Variants in WHRN observed in about 807,000 individuals in gnomAD.
WHRN encodes whirlin.
Under a neutral mutation model 68.3 loss-of-function variants are expected in WHRN, and 41 were observed. The observed-to-expected ratio is 0.60, with a 90% CI of 0.47 to 0.78. WHRN has a LOEUF of 0.78. WHRN is among the 30% of genes least tolerant of loss of function. The probability of loss-of-function intolerance (pLI) is 0.00; values close to 1 mark genes in which losing one functional copy is unlikely to be tolerated. For synonymous variants in WHRN, 560 were observed against 561.3 expected, an observed-to-expected ratio of 1.00 and a Z score of 0.03; for missense variants, 1,243 against 1,244.7, an observed-to-expected ratio of 1.00 and a Z score of 0.02.
intron 1 of WHRN, among the ~76,000 whole-genome samples, chr9:114,498,666 G>A (rs1452453950): frequency 6.6e-6 from 1 of 152,178 alleles, no homozygotes; most frequent in Non-Finnish European, 1.5e-5. Flanking sequence ...GCCCTCAAAT[G>A]TCAAGTACAA....
At chr9:114,484,155 C>T (rs1589241155) in intron 1 of WHRN, among the ~76,000 whole-genome samples, 2 of 152,206 alleles carry the variant, frequency 1.3e-5, no homozygotes, top group African/African-American at 4.8e-5. Flanking sequence ...CACCCCAACT[C>T]GGCACTATCA....
chr9:114,413,448 G>A (rs1441246385), intron 7 of WHRN, among the ~76,000 whole-genome samples: 2 of 152,120 alleles, frequency 1.3e-5, no homozygotes, highest in Admixed American at 6.5e-5. Context: ...TGGCATTCCT[G>A]GGGGGCAGTG....
At chr9:114,442,475 A>T (rs1227885380) in intron 3 of WHRN, among the ~76,000 whole-genome samples, 1 of 152,238 alleles carries the variant, frequency 6.6e-6, no homozygotes, top group Non-Finnish European at 1.5e-5. Context: ...AAATGTGGCG[A>T]AACATGAAAA....
intron 3 of WHRN, among the ~76,000 whole-genome samples, chr9:114,462,554 A>G (rs1037925343): frequency 7.9e-5 from 12 of 152,200 alleles, no homozygotes; most frequent in African/African-American, 2.9e-4. Context: ...GGTTTAAATA[A>G]CAGCTCTGAT....
chr9:114,436,593 C>T (rs943339668), intron 3 of WHRN, among the ~76,000 whole-genome samples: 2 of 152,144 alleles, frequency 1.3e-5, no homozygotes, highest in Non-Finnish European at 2.9e-5. Flanking sequence ...CCTTGTGGGG[C>T]CGAGGTGGGT....
rs139193948 is a variant in WHRN at position 114,426,382 on chromosome 9, C to T, written c.995G>A (p.Arg332Gln). The change falls in exon 4 of 12, where the codon CGG (arginine) becomes CAG (glutamine). Residue 332 changes from arginine (R) to glutamine (Q), a missense_variant. By Grantham distance (43) the Arg-to-Gln change is conservative. Coordinates refer to ENST00000362057, the MANE Select transcript of WHRN (RefSeq NM_015404.4). ...VGDQILEVNG[R>Q]SFLNILHDEA... ...GTCGTGTAGGATGTTGAGAAAGCTC[C>T]GCCCATTCACTTCTAGAATCTGGTC... 220 of 1,613,250 alleles carry T rather than the reference C, an allele frequency of 1.4e-4. No homozygotes were observed. The African/African-American group carries it at 1.5e-3, about 11-fold the overall frequency.
At chr9:114,409,525 G>A (rs146789328) in intron 7 of WHRN, among the ~76,000 whole-genome samples, 1 of 152,288 alleles carries the variant, frequency 6.6e-6, no homozygotes, top group Non-Finnish European at 1.5e-5. Context: ...CCCCCGAGCA[G>A]CTCCACAGAA....
At chr9:114,469,225 T>C (rs1450293857) in intron 2 of WHRN, among the ~76,000 whole-genome samples, 1 of 152,196 alleles carries the variant, frequency 6.6e-6, no homozygotes, top group Non-Finnish European at 1.5e-5. Flanking sequence ...GGTGTGGCCT[T>C]CCTCAGGGGA....
In WHRN at chr9:114,408,015, T is replaced by C. The variant is rs767294488; in HGVS notation, c.1630A>G (p.Thr544Ala). The change falls in exon 8 of 12, where the codon ACT (threonine) becomes GCT (alanine). Residue 544 changes from threonine to alanine, a missense_variant. Physicochemically the swap from Thr to Ala is moderately conservative, Grantham distance 58. Transcript: ENST00000362057. ...TSTTVSSARNTLDLEETGEAV... is the reference protein window; with the variant it reads ...TSTTVSSARNALDLEETGEAV... ...TCGCCAGTTTCCTCCAGGTCCAGAG[T>C]GTTCTAGAAATGGACGAGAAAGCAA... 6 of 1,598,886 alleles carry C rather than the reference T, an allele frequency of 3.8e-6. No individual in the cohort carries two copies. In the African/African-American group the frequency reaches 4.0e-5, roughly 11 times the overall value.
rs753517541 is a variant in WHRN at position 114,425,104 on chromosome 9, G to A, written c.1167-80C>T. On this transcript the variant is annotated intron_variant, in intron 4 of 11. Coordinates refer to ENST00000362057, the MANE Select transcript of WHRN (RefSeq NM_015404.4). ...TGGGCAAGGGACAGGGTGACTTGGG[G>A]CAGGAAGAGCAAAGCTTCAAGAGAA... 12 of 1,404,848 alleles carry A rather than the reference G, an allele frequency of 8.5e-6. No homozygotes were observed. The East Asian group carries it at 2.7e-4, about 32-fold the overall frequency. The allele number at this position is 1,404,848 out of a possible 1,614,324, so 87.0% of individuals were successfully genotyped here. A position where few individuals can be genotyped will look rare whatever the true frequency, so the allele number is the denominator to read the frequency against.
chr9:114,483,155 C>A (rs1842222071), intron 1 of WHRN, among the ~76,000 whole-genome samples: 1 of 152,120 alleles, frequency 6.6e-6, no homozygotes, highest in African/African-American at 2.4e-5. Context: ...TGTTGGAGAG[C>A]AAGAAAATCA....
intron 3 of WHRN, among the ~76,000 whole-genome samples, chr9:114,458,701 C>T (rs936558754): frequency 1.3e-5 from 2 of 152,028 alleles, no homozygotes; most frequent in Non-Finnish European, 2.9e-5. Context: ...ATGGACAGAG[C>T]GAGCATCAGC....
intron 1 of WHRN, 144 bp from the exon 2 acceptor site, chr9:114,478,915 C>T (rs1841883372): frequency 2.5e-6 from 2 of 785,474 alleles, no homozygotes; most frequent in Non-Finnish European, 4.3e-6. Context: ...CCTTCTCTAG[C>T]CCTCGATTTT....
rs182940018 is a variant in WHRN, at chr9:114,408,788, T to C, written c.1627-770A>G. On this transcript the variant is annotated intron_variant, in intron 7 of 11. Transcript: ENST00000362057. ...TGGTAAAACATTATTTCTGGGTGTG[T>C]CTGTGAGGGTGTTTCCAGGAGAGAT... is the stretch of plus-strand genomic sequence containing the variant. Among the ~76,000 whole-genome samples the C allele has an allele frequency of 5.3e-5, 8 of 152,330 alleles. No individual in the cohort carries two copies. The East Asian group carries it at 1.5e-3, about 29-fold the overall frequency.
chr9:114,464,559 A>C (rs1248343465), intron 3 of WHRN, among the ~76,000 whole-genome samples: 1 of 152,176 alleles, frequency 6.6e-6, no homozygotes, highest in Non-Finnish European at 1.5e-5. Flanking sequence ...CATCTCCCAA[A>C]GGCCCCACCT....
rs751855364 is a variant in WHRN, at chr9:114,403,258, C to T, written c.2500G>A (p.Ala834Thr). ...CTAGGCAGGGGCTGGCGGGTGTTGGCGCCACCCTCGATGGCGATGCCCAGG... is the reference window on the plus strand; with the variant it reads ...CTAGGCAGGGGCTGGCGGGTGTTGGTGCCACCCTCGATGGCGATGCCCAGG... ...ATLGIAIEGGANTRQPLPRIV... is the reference protein window; with the variant it reads ...ATLGIAIEGGTNTRQPLPRIV... Residue 834 changes from alanine (A) to threonine (T), a missense_variant, in exon 11 of 12, where the codon GCC (alanine) becomes ACC (threonine). Coordinates refer to ENST00000362057, the MANE Select transcript of WHRN (RefSeq NM_015404.4). The T allele has an allele frequency of 6.2e-6, 10 of 1,614,000 alleles. No homozygotes were observed. The highest frequency in any genetic ancestry group is 1.7e-5 in the Admixed American group (1 of 60,010).
chr9:114,406,298 G>T (rs1055918473), intron 9 of WHRN, 57 bp downstream of exon 9: 11 of 1,600,454 alleles, frequency 6.9e-6, no homozygotes, highest in South Asian at 1.1e-5. Context: ...CAGGTAGACT[G>T]ACCTGAAGAG....
intron 3 of WHRN, among the ~76,000 whole-genome samples, chr9:114,445,128 A>C (rs1838711928): frequency 6.7e-6 from 1 of 149,678 alleles, no homozygotes; most frequent in Admixed American, 6.7e-5. Flanking sequence ...TGCAACCTCC[A>C]CTTCTTGGGT....
intron 7 of WHRN, among the ~76,000 whole-genome samples, chr9:114,412,475 G>A (rs1290666966): frequency 6.6e-6 from 1 of 152,174 alleles, no homozygotes; most frequent in Non-Finnish European, 1.5e-5. Context: ...CCACTCTACA[G>A]CTGAGGTGAC....
Sources: allele counts gnomAD v4.1 joint callset (sites outside exome capture counted in the v4.1 genomes callset), GRCh38; gene constraint gnomAD v4.1.1; transcripts MANE v1.5; gene names NCBI Gene and HGNC (gene_info 2026-07-23, HGNC 2026-07-21).